ITGB8: variants seen among roughly 807,000 people sequenced by gnomAD.
The protein encoded by ITGB8 is integrin subunit beta 8, also known as integrin beta-8.
A neutral mutation model predicts 89.5 loss-of-function variants in ITGB8; 30 were observed. The ratio of observed to expected loss-of-function variants is 0.34; its 90% CI spans 0.25 to 0.45. ITGB8 has a LOEUF of 0.45. Ranked by LOEUF, ITGB8 falls within the 20% of genes least tolerant of loss-of-function variation. The pLI, the probability that ITGB8 is intolerant of heterozygous loss-of-function variation, is 1.00. For missense variants in ITGB8, 836 were observed against 933.3 expected (o/e 0.90, Z 1.36); for synonymous variants, 335 against 320.4 (o/e 1.05, Z -0.49).
chr7:20,374,313 G>T (rs377324798), intron 3 of ITGB8, among the ~76,000 whole-genome samples: 157 of 152,202 alleles, frequency 1.0e-3, no homozygotes, highest in African/African-American at 3.5e-3. Flanking sequence ...ATTTATGGGG[G>T]ACTATGTATG....
chr7:20,406,205 A>G (rs1172627906), intron 12 of ITGB8, 34 bp downstream of exon 12: 5 of 1,243,532 alleles, frequency 4.0e-6, no homozygotes, highest in Non-Finnish European at 3.6e-6. Context: ...AGCACAGAAG[A>G]GTGTCTGTAG....
At chr7:20,402,353 C>G (rs1044725671) in intron 10 of ITGB8, among the ~76,000 whole-genome samples, 1 of 152,072 alleles carries the variant, frequency 6.6e-6, no homozygotes, top group African/African-American at 2.4e-5. Flanking sequence ...AAATAAAAAC[C>G]TAAAATTAAT....
chr7:20,331,884 C>T lies in ITGB8; in HGVS notation c.78C>T (p.Phe26=). 6.2e-7 allele frequency: 1 copy of T among 1,614,164 alleles called. No individual in the cohort carries two copies. The highest frequency in any genetic ancestry group is 1.1e-5 in the South Asian group (1 of 91,082). Residue 26 remains phenylalanine, a synonymous_variant, in exon 1 of 14, where the codon TTC becomes TTT. Transcript: ENST00000222573. ...LQNDRRGPAS[F]LWAAWVFSLV... ...ACGACCGGCGAGGTCCCGCCTCGTT[C>T]CTCTGGGCAGCCTGGGTGTTTTCAC...
chr7:20,395,059 C>A, intron 8 of ITGB8, 74 bp downstream of exon 8: 1 of 823,250 alleles, frequency 1.2e-6, no homozygotes. Context: ...CAAAGTAGTG[C>A]CATGTCATCT....
intron 1 of ITGB8, among the ~76,000 whole-genome samples, chr7:20,332,348 ATAAGTTGGTTATAATG>A (rs1369999798): frequency 6.6e-6 from 1 of 152,212 alleles, no homozygotes; most frequent in Non-Finnish European, 1.5e-5. Context: ...GAGGCTGTAG[ATAAGTTGGTTATAATG>A]GGAGTAGTCT....
intron 7 of ITGB8, 124 bp from the exon 8 acceptor site, chr7:20,394,772 A>G (rs1488717449): frequency 4.4e-6 from 3 of 678,244 alleles, no homozygotes; most frequent in East Asian, 2.7e-5. Context: ...CTTGTGTCTT[A>G]TAGGTTTTCA....
Position 20,401,905 on chromosome 7 carries a change from C to T in ITGB8, c.1466C>T (p.Ser489Phe). The T allele has an allele frequency of 6.2e-7, 1 of 1,613,582 alleles. No individual in the cohort carries two copies. The highest frequency in any genetic ancestry group is 8.5e-7 in the Non-Finnish European group (1 of 1,179,830). ...TGTGTAGATGAAACTTTTCTAGATT[C>T]CAAGTGTTTCCAGTGTGATGAGAAT... The part of the protein sequence containing the change: ...GKCVDETFLD[S>F]KCFQCDENKC... The change falls in exon 10 of 14, where the codon TCC (serine) becomes TTC (phenylalanine). Residue 489 changes from serine to phenylalanine, a missense_variant. Coordinates refer to ENST00000222573, the MANE Select transcript of ITGB8 (RefSeq NM_002214.3).
At position 20,330,991 on chromosome 7, in the gene ITGB8, G is replaced by C. The variant is rs914294871; in HGVS notation, c.-816G>C. The C allele has an allele frequency of 6.6e-6, 1 of 152,390 alleles. No homozygotes were observed. Among genetic ancestry groups the C allele is most frequent in the Non-Finnish European group, 1.5e-5 (1 of 68,160 alleles). The allele number at this position is 152,390 out of a possible 1,614,324, so 9.4% of individuals were successfully genotyped here. On this transcript the variant is annotated 5_prime_UTR_variant, in exon 1 of 14. Transcript: ENST00000222573. ...CAAGGGCACGCAGCCCCCGCCCCGC[G>C]AAGCCGGGCTCCGGCACCTCGCGGA...
intron 1 of ITGB8, among the ~76,000 whole-genome samples, chr7:20,349,882 A>G (rs1031814078): frequency 6.6e-6 from 1 of 152,210 alleles, no homozygotes; most frequent in African/African-American, 2.4e-5. Flanking sequence ...TATAATGTAC[A>G]TCAATAAACT....
intron 1 of ITGB8, among the ~76,000 whole-genome samples, chr7:20,361,767 C>T (rs1439652028): frequency 6.6e-6 from 1 of 152,144 alleles, no homozygotes; most frequent in Non-Finnish European, 1.5e-5. Flanking sequence ...GCAGATTTTA[C>T]AGTTTGGCAG....
At chr7:20,343,236 G>A (rs142207304) in intron 1 of ITGB8, among the ~76,000 whole-genome samples, 314 of 152,274 alleles carry the variant, frequency 2.1e-3, no homozygotes, top group African/African-American at 7.1e-3. Flanking sequence ...TTATTGATCC[G>A]GCTGCCTGGG....
chr7:20,403,216 T>C (rs1787384660), intron 10 of ITGB8, among the ~76,000 whole-genome samples: 1 of 152,154 alleles, frequency 6.6e-6, no homozygotes, highest in Non-Finnish European at 1.5e-5. Context: ...ATGGGTAGGA[T>C]GGATTATAGA....
chr7:20,399,085 A>G (rs1787204227), intron 9 of ITGB8, 91 bp downstream of exon 9: 1 of 1,303,054 alleles, frequency 7.7e-7, no homozygotes, highest in East Asian at 2.6e-5. Context: ...GAAAAATTTT[A>G]CTTACTACTG....
At chr7:20,405,127 T>C (rs985943783) in intron 11 of ITGB8, among the ~76,000 whole-genome samples, 1 of 151,894 alleles carries the variant, frequency 6.6e-6, no homozygotes, top group African/African-American at 2.4e-5. Context: ...AGTAAGCGTG[T>C]GATCTCGGAC....
In ITGB8 at chr7:20,381,968, C is replaced by T. The variant is rs1786417098; in HGVS notation, c.960+83C>T. 1.2e-5 allele frequency: 14 copies of T among 1,161,000 alleles called. No individual in the cohort carries two copies. The South Asian group carries it at 2.1e-4, about 17-fold the overall frequency. 71.9% of individuals were successfully genotyped at this position (1,161,000 alleles called of 1,614,324 possible). A position where few individuals can be genotyped will look rare whatever the true frequency, so the allele number is the denominator to read the frequency against. The stretch of plus-strand genomic sequence containing the variant: ...AATTGGCAACTCAACTATTTTTGTA[C>T]CAGGAAATTACCTACAAAAGAAAGA... On this transcript the variant is annotated intron_variant, in intron 6 of 13. Coordinates refer to ENST00000222573, the MANE Select transcript of ITGB8 (RefSeq NM_002214.3).
At chr7:20,373,904 T>C (rs1175517110) in intron 3 of ITGB8, among the ~76,000 whole-genome samples, 1 of 152,200 alleles carries the variant, frequency 6.6e-6, no homozygotes, top group Non-Finnish European at 1.5e-5. Flanking sequence ...CACCATTCTT[T>C]GAGTAGTTTA....
intron 7 of ITGB8, 31 bp from the exon 8 acceptor site, chr7:20,394,865 A>G: frequency 6.9e-7 from 1 of 1,447,058 alleles, no homozygotes; most frequent in Non-Finnish European, 9.7e-7. Context: ...TACTATTGTC[A>G]TTGTTTAAAT....
At chr7:20,376,597 C>T (rs562488531) in intron 3 of ITGB8, among the ~76,000 whole-genome samples, 2 of 152,096 alleles carry the variant, frequency 1.3e-5, no homozygotes, top group Non-Finnish European at 1.5e-5. Flanking sequence ...AACTTGAGAG[C>T]ATATTATGAG....
At chr7:20,386,242 C>A in intron 6 of ITGB8, among the ~76,000 whole-genome samples, 2 of 36,058 alleles carry the variant, frequency 5.5e-5, no homozygotes. Flanking sequence ...ACTATGAGAA[C>A]ATTTTTTTTT....
Sources: gnomAD v4.1 joint callset for allele counts (sites outside exome capture counted in the v4.1 genomes callset) on GRCh38, gnomAD v4.1.1 for gene constraint, MANE v1.5 for transcripts, NCBI Gene and HGNC (gene_info 2026-07-23, HGNC 2026-07-21) for gene names.